Variants in RBFOX1 observed in about 807,000 individuals in gnomAD.
RBFOX1 encodes the protein RNA binding fox-1 homolog 1.
RBFOX1 carries 8 observed loss-of-function variants against 57.7 expected under a neutral mutation model. The ratio of observed to expected loss-of-function variants is 0.14; its 90% CI spans 0.08 to 0.25. RBFOX1 has a LOEUF of 0.25. RBFOX1 is among the 10% of genes least tolerant of loss of function. The probability of loss-of-function intolerance (pLI) is 1.00; values close to 1 mark genes in which losing one functional copy is unlikely to be tolerated. For missense variants in RBFOX1, 611 were observed against 548.5 expected, an observed-to-expected ratio of 1.11 and a Z score of -1.14; for synonymous variants, 326 against 222.4, an observed-to-expected ratio of 1.47 and a Z score of -4.15.
At chr16:5,666,644 T>G (rs1396012800) in intron 3 of RBFOX1, among the ~76,000 whole-genome samples, 2 of 152,204 alleles carry the variant, frequency 1.3e-5, no homozygotes, top group Non-Finnish European at 2.9e-5. Flanking sequence ...GGACTGGCAG[T>G]GAGCTAGGGC....
chr16:6,636,525 T>A (rs1001141595), intron 2 of RBFOX1, among the ~76,000 whole-genome samples: 3 of 151,906 alleles, frequency 2.0e-5, no homozygotes, highest in Non-Finnish European at 2.9e-5. Flanking sequence ...TATTAAAAAA[T>A]TATTAAACCT....
Position 6,329,707 on chromosome 16 carries a change from G to A in RBFOX1, c.-64+12650G>A, listed in dbSNP as rs1001465240. ...AGCACTTTGGGAGGCCAAAACGGGT[G>A]GATCATTTGAGGTCAGGAGTTCAAA... On this transcript the variant is annotated intron_variant, in intron 2 of 15. Coordinates refer to ENST00000550418, the MANE Select transcript of RBFOX1 (RefSeq NM_018723.4). 7.9e-5 allele frequency among the ~76,000 whole-genome samples: 12 copies of A among 152,246 alleles called. 1 individual carries two copies. Among genetic ancestry groups the A allele is most frequent in the African/African-American group, 2.2e-4 (9 of 41,534 alleles).
chr16:6,471,078 A>C (rs1012343152), intron 2 of RBFOX1, among the ~76,000 whole-genome samples: 9 of 152,200 alleles, frequency 5.9e-5, no homozygotes, highest in Non-Finnish European at 7.3e-5. Context: ...TTGGCATGAC[A>C]CATGGGCCCC....
intron 3 of RBFOX1, among the ~76,000 whole-genome samples, chr16:6,717,494 G>A (rs1031777976): frequency 6.6e-6 from 1 of 152,138 alleles, no homozygotes; most frequent in Non-Finnish European, 1.5e-5. Flanking sequence ...TCCAAACTTG[G>A]AGGTTTAGAA....
intron 4 of RBFOX1, among the ~76,000 whole-genome samples, chr16:7,413,019 GC>G (rs2098444846): frequency 6.6e-6 from 1 of 151,966 alleles, no homozygotes; most frequent in Non-Finnish European, 1.5e-5. Flanking sequence ...TCCAGCCCGG[GC>G]GAAAGAGCGA....
chr16:6,837,041 G>T (rs1478654489), intron 3 of RBFOX1, among the ~76,000 whole-genome samples: 1 of 152,166 alleles, frequency 6.6e-6, no homozygotes, highest in Non-Finnish European at 1.5e-5. Flanking sequence ...TTTACAGTAA[G>T]CCCAGGACAG....
At chr16:5,976,008 G>T (rs1211278446) in intron 4 of RBFOX1, among the ~76,000 whole-genome samples, 1 of 152,020 alleles carries the variant, frequency 6.6e-6, no homozygotes, top group Non-Finnish European at 1.5e-5. Context: ...GCCGGATGTG[G>T]TGGCGTGTAC....
intron 12 of RBFOX1, among the ~76,000 whole-genome samples, chr16:7,658,743 G>C (rs2019266): frequency 0.1 from 15,835 of 152,158 alleles, 1,009 homozygotes; most frequent in South Asian, 0.21. Flanking sequence ...AGTTATTTTT[G>C]AGATGGAGTC....
intron 3 of RBFOX1, among the ~76,000 whole-genome samples, chr16:7,025,916 C>G (rs556229621): frequency 4.3e-4 from 65 of 152,174 alleles, no homozygotes; most frequent in African/African-American, 1.4e-3. Context: ...GATGCCTAGA[C>G]CCCTCTCGGG....
chr16:7,375,267 C>T (rs190796286), intron 4 of RBFOX1, among the ~76,000 whole-genome samples: 1 of 152,292 alleles, frequency 6.6e-6, no homozygotes, highest in Admixed American at 6.5e-5. Context: ...AAAGACAGGA[C>T]AGCCTGATTC....
At chr16:7,183,999 C>T (rs2083237054) in intron 4 of RBFOX1, among the ~76,000 whole-genome samples, 1 of 152,144 alleles carries the variant, frequency 6.6e-6, no homozygotes, top group East Asian at 1.9e-4. Flanking sequence ...ATGATGTGAA[C>T]TGAAATGATG....
intron 4 of RBFOX1, among the ~76,000 whole-genome samples, chr16:7,443,621 A>G (rs1272774180): frequency 6.6e-6 from 1 of 152,178 alleles, no homozygotes. Flanking sequence ...AGTTCAATGT[A>G]ATAATGTAAA....
chr16:5,505,744 A>G (rs1316703882), intron 2 of RBFOX1, among the ~76,000 whole-genome samples: 1 of 152,140 alleles, frequency 6.6e-6, no homozygotes, highest in Non-Finnish European at 1.5e-5. Context: ...AGAGAGACCC[A>G]TTCTGCCACA....
chr16:6,938,586 T>TTC (rs2077766549), intron 3 of RBFOX1, among the ~76,000 whole-genome samples: 1 of 151,826 alleles, frequency 6.6e-6, no homozygotes. Context: ...CATTTTTTTT[T>TTC]CCTCTGGCTA....
intron 4 of RBFOX1, among the ~76,000 whole-genome samples, chr16:5,952,677 C>T (rs998684592): frequency 5.3e-5 from 8 of 152,230 alleles, no homozygotes; most frequent in East Asian, 3.9e-4. Flanking sequence ...GTGATTCTCC[C>T]GCTTCAGAAT....
intron 4 of RBFOX1, among the ~76,000 whole-genome samples, chr16:7,075,458 A>C (rs2058117789): frequency 6.6e-6 from 1 of 152,256 alleles, no homozygotes; most frequent in African/African-American, 2.4e-5. Flanking sequence ...GTATTTAATA[A>C]TCTGGAAGTT....
chr16:5,578,204 C>A (rs1280998650), intron 2 of RBFOX1, among the ~76,000 whole-genome samples: 1 of 152,182 alleles, frequency 6.6e-6, no homozygotes, highest in Non-Finnish European at 1.5e-5. Context: ...CCCACCTCGG[C>A]CTCCCAGAGT....
chr16:6,536,225 G>C (rs77854666), intron 2 of RBFOX1, among the ~76,000 whole-genome samples: 1,925 of 152,224 alleles, frequency 0.013, 43 homozygotes, highest in African/African-American at 0.044. Flanking sequence ...AAACTTACTT[G>C]CTTCCTTGGA....
intron 2 of RBFOX1, among the ~76,000 whole-genome samples, chr16:6,587,791 T>G (rs1261497819): frequency 6.6e-6 from 1 of 152,218 alleles, no homozygotes; most frequent in Admixed American, 6.5e-5. Context: ...ATATAACTTT[T>G]GTGTAGTTTC....
Sources: gnomAD v4.1 joint callset for allele counts (sites outside exome capture counted in the v4.1 genomes callset) on GRCh38, gnomAD v4.1.1 for gene constraint, MANE v1.5 for transcripts, NCBI Gene and HGNC (gene_info 2026-07-23, HGNC 2026-07-21) for gene names.